The following TTBK2 variants were observed in gnomAD, a reference collection of about 807,000 sequenced individuals.
TTBK2 encodes the protein tau tubulin kinase 2.
TTBK2 carries 28 observed loss-of-function variants against 110.8 expected under a neutral mutation model. That is an observed-to-expected ratio of 0.25 (90% CI 0.19 to 0.35). TTBK2 has a LOEUF of 0.35. TTBK2 is among the 10% of genes least tolerant of loss of function. The pLI, the probability that TTBK2 is intolerant of heterozygous loss-of-function variation, is 1.00. For missense variants in TTBK2, 1,369 were observed against 1,500.3 expected, an observed-to-expected ratio of 0.91 and a Z score of 1.45; for synonymous variants, 532 against 527.3, an observed-to-expected ratio of 1.01 and a Z score of -0.12.
rs547456430 is a variant in TTBK2 at position 42,831,686 on chromosome 15, A to C, written c.292-1608T>G. Among the ~76,000 whole-genome samples the C allele has an allele frequency of 2.0e-5, 3 of 152,226 alleles. No homozygotes were observed. The South Asian group carries it at 6.2e-4, about 32-fold the overall frequency. Reference sequence around the variant, plus strand: ...CTTCTTTTACAGTCCTCTTTCACAGAGCTTTTCTACAGACTTTTTCATGAT... The same window carrying C: ...CTTCTTTTACAGTCCTCTTTCACAGCGCTTTTCTACAGACTTTTTCATGAT... On this transcript the variant is annotated intron_variant, in intron 4 of 14. Coordinates refer to ENST00000267890, the MANE Select transcript of TTBK2 (RefSeq NM_173500.4).
At chr15:42,866,341 T>C (rs1894371813) in intron 3 of TTBK2, among the ~76,000 whole-genome samples, 1 of 152,120 alleles carries the variant, frequency 6.6e-6, no homozygotes, top group African/African-American at 2.4e-5. Context: ...GTCAATTCTC[T>C]AAGAGGCCAT....
chr15:42,848,554 G>A (rs1282949158), intron 3 of TTBK2, among the ~76,000 whole-genome samples: 2 of 151,106 alleles, frequency 1.3e-5, no homozygotes, highest in Non-Finnish European at 2.9e-5. Flanking sequence ...ACAATGGTGC[G>A]ATCTCAGCTC....
intron 13 of TTBK2, among the ~76,000 whole-genome samples, chr15:42,766,652 A>G (rs1172930095): frequency 6.6e-6 from 1 of 151,978 alleles, no homozygotes; most frequent in East Asian, 1.9e-4. Flanking sequence ...AGAGACCTAC[A>G]AAGAGACTTA....
At chr15:42,867,598 C>T (rs998658382) in intron 3 of TTBK2, among the ~76,000 whole-genome samples, 9 of 152,160 alleles carry the variant, frequency 5.9e-5, no homozygotes, top group Non-Finnish European at 1.3e-4. Context: ...CCATATCACA[C>T]ATCACTAGAT....
chr15:42,801,703 G>A (rs752116546), intron 9 of TTBK2: 18 of 888,088 alleles, frequency 2.0e-5, no homozygotes, highest in African/African-American at 3.3e-5. Flanking sequence ...CCGAGATCTG[G>A]GACTGCAGCT....
At chr15:42,756,965 G>C (rs1215668181) in intron 13 of TTBK2, among the ~76,000 whole-genome samples, 2 of 152,048 alleles carry the variant, frequency 1.3e-5, no homozygotes, top group Non-Finnish European at 2.9e-5. Flanking sequence ...AAAAGATTCT[G>C]AGCAATTATG....
chr15:42,807,633 T>A (rs1891529348), intron 9 of TTBK2, among the ~76,000 whole-genome samples: 1 of 151,870 alleles, frequency 6.6e-6, no homozygotes, highest in African/African-American at 2.4e-5. Context: ...AACAGGGTGT[T>A]ACTATGTTGC....
At chr15:42,891,153 C>T (rs889583607) in intron 1 of TTBK2, among the ~76,000 whole-genome samples, 2 of 147,000 alleles carry the variant, frequency 1.4e-5, no homozygotes, top group African/African-American at 5.0e-5. Context: ...GGATTACAGG[C>T]GTGAGCCACC....
intron 3 of TTBK2, among the ~76,000 whole-genome samples, chr15:42,855,904 G>A (rs922018492): frequency 1.3e-5 from 2 of 152,034 alleles, no homozygotes; most frequent in Non-Finnish European, 2.9e-5. Context: ...GGATGGTCTC[G>A]ATCTCCTGAC....
At chr15:42,786,643 T>C (rs1421474855) in intron 10 of TTBK2, among the ~76,000 whole-genome samples, 1 of 152,180 alleles carries the variant, frequency 6.6e-6, no homozygotes, top group East Asian at 1.9e-4. Context: ...TCTACTTTCA[T>C]TCAATCCTAC....
intron 1 of TTBK2, among the ~76,000 whole-genome samples, chr15:42,883,377 C>CAA (rs1213212728): frequency 8.0e-5 from 4 of 50,244 alleles, no homozygotes; most frequent in Non-Finnish European, 1.2e-4. Flanking sequence ...AACTCCACCT[C>CAA]AAAAAAAAAA....
rs1272153207 is a variant in TTBK2 at position 42,744,255 on chromosome 15, A to G, written c.*1540T>C. The G allele has an allele frequency of 1.3e-5, 2 of 152,196 alleles. No individual in the cohort carries two copies. Among genetic ancestry groups the G allele is most frequent in the South Asian group, 2.1e-4 (1 of 4,832 alleles). 9.4% of individuals were successfully genotyped at this position (152,196 alleles called of 1,614,324 possible). A position where few individuals can be genotyped will look rare whatever the true frequency, so the allele number is the denominator to read the frequency against. ...AAAAAGCTCAACACAGATAAAGAGA[A>G]CAAGAGAAGTTCAGTGCAGCTTCAG... On this transcript the variant is annotated 3_prime_UTR_variant, in exon 15 of 15. Coordinates refer to ENST00000267890, the MANE Select transcript of TTBK2 (RefSeq NM_173500.4).
chr15:42,802,869 T>C (rs1891285855), intron 9 of TTBK2, among the ~76,000 whole-genome samples: 1 of 152,214 alleles, frequency 6.6e-6, no homozygotes, highest in South Asian at 2.1e-4. Context: ...ATCTGGGCAC[T>C]ATCTAATCAG....
At chr15:42,816,354 A>G (rs1288594121) in intron 7 of TTBK2, among the ~76,000 whole-genome samples, 4 of 151,042 alleles carry the variant, frequency 2.6e-5, no homozygotes, top group Non-Finnish European at 5.9e-5. Flanking sequence ...TGACCTTGTG[A>G]TCTGCTCACC....
At chr15:42,823,295 G>A (rs890572161) in intron 6 of TTBK2, among the ~76,000 whole-genome samples, 7 of 152,244 alleles carry the variant, frequency 4.6e-5, no homozygotes, top group Non-Finnish European at 7.4e-5. Flanking sequence ...TGAACAGGCA[G>A]ATTCAAATCA....
chr15:42,865,551 T>TCGTG (rs1464661070), intron 3 of TTBK2, among the ~76,000 whole-genome samples: 2 of 148,464 alleles, frequency 1.3e-5, no homozygotes, highest in Non-Finnish European at 3.0e-5. Flanking sequence ...CTGGGCACAG[T>TCGTG]CGTGCACACC....
chr15:42,808,316 T>C (rs893640499), intron 9 of TTBK2, among the ~76,000 whole-genome samples: 2 of 152,222 alleles, frequency 1.3e-5, no homozygotes, highest in Admixed American at 6.5e-5. Context: ...ATTTATAAAA[T>C]ATACACAAAG....
intron 3 of TTBK2, among the ~76,000 whole-genome samples, chr15:42,851,932 G>A (rs1367790779): frequency 1.3e-5 from 2 of 152,026 alleles, no homozygotes; most frequent in African/African-American, 2.4e-5. Context: ...GTTTATGCAC[G>A]AACTGGATAT....
At chr15:42,776,790 A>T in intron 12 of TTBK2, 1 of 583,546 alleles carries the variant, frequency 1.7e-6, no homozygotes, top group East Asian at 2.8e-5. Context: ...ATCAGCTCTT[A>T]CTGCTCAGCT....
Sources: allele counts gnomAD v4.1 joint callset (sites outside exome capture counted in the v4.1 genomes callset), GRCh38; gene constraint gnomAD v4.1.1; transcripts MANE v1.5; gene names NCBI Gene and HGNC (gene_info 2026-07-23, HGNC 2026-07-21).